The following NCAM1 variants were observed in gnomAD, a reference collection of about 807,000 sequenced individuals.
NCAM1 encodes the protein antigen recognized by monoclonal antibody 5.1H11.
NCAM1 carries 14 observed loss-of-function variants against 109.8 expected under a neutral mutation model. The ratio of observed to expected loss-of-function variants is 0.13; its 90% CI spans 0.08 to 0.20. The LOEUF (loss-of-function observed/expected upper bound fraction) is 0.20, where lower values mean the gene tolerates loss of function less well. Ranked by LOEUF, NCAM1 falls within the 10% of genes least tolerant of loss-of-function variation. The probability of loss-of-function intolerance (pLI) is 1.00; values close to 1 mark genes in which losing one functional copy is unlikely to be tolerated. For missense variants in NCAM1, 774 were observed against 1,109.9 expected (o/e 0.70, Z 4.30); for synonymous variants, 418 against 442.9 (o/e 0.94, Z 0.70).
At chr11:113,028,674 G>A (rs1234002142) in intron 1 of NCAM1, among the ~76,000 whole-genome samples, 1 of 152,162 alleles carries the variant, frequency 6.6e-6, no homozygotes, top group East Asian at 1.9e-4. Context: ...TAAGCATTCA[G>A]TATTGATACT....
In NCAM1 at chr11:113,204,404, C is replaced by T. The variant is rs1944171823; in HGVS notation, c.246C>T (p.Thr82=). The T allele has an allele frequency of 6.2e-7, 1 of 1,613,852 alleles. No individual in the cohort carries two copies. Among genetic ancestry groups the T allele is most frequent in the African/African-American group, 1.3e-5 (1 of 74,906 alleles). ...VWNDDSSSTL[T]IYNANIDDAG... is the part of the protein sequence containing the mutation. ...ATGATGATTCCTCCTCCACCCTCAC[C>T]ATCTATAACGCCAACATCGACGACG... Residue 82 remains threonine (T), a synonymous_variant, in exon 3 of 20, where the codon ACC becomes ACT. Coordinates refer to ENST00000316851, the MANE Select transcript of NCAM1 (RefSeq NM_181351.5).
intron 1 of NCAM1, among the ~76,000 whole-genome samples, chr11:113,159,830 A>G (rs1316460230): frequency 6.7e-6 from 1 of 148,430 alleles, no homozygotes. Context: ...AACATTAGGT[A>G]TATCTCCTAA....
At chr11:113,109,347 C>CAAAAAAAAAAAAA (rs369724829) in intron 1 of NCAM1, among the ~76,000 whole-genome samples, 1 of 89,228 alleles carries the variant, frequency 1.1e-5, no homozygotes. Context: ...GACTCTGTCT[C>CAAAAAAAAAAAAA]AAAAAAAAGA....
At position 113,101,607 on chromosome 11, in the gene NCAM1, A is replaced by T. The variant is rs1402906287; in HGVS notation, c.53-100772A>T. Among the ~76,000 whole-genome samples, 4 of 152,166 alleles carry T rather than the reference A, an allele frequency of 2.6e-5. No individual in the cohort carries two copies. The South Asian group carries it at 6.2e-4, about 24-fold the overall frequency. On this transcript the variant is annotated intron_variant, in intron 1 of 19. Transcript: ENST00000316851. ...TGACTGGATTTATGCTCATTGAATG[A>T]ACCATTTATTTTCTACTATCTCTTT...
rs1379545683 is a variant in NCAM1 at position 113,199,554 on chromosome 11, G to T, written c.53-2825G>T. ...ACTAGCTTTTCCATCTGTGCAAAAG[G>T]CCAGGCGTCTAAATGGATAACTCTT... On this transcript the variant is annotated intron_variant, in intron 1 of 19. Transcript: ENST00000316851. Among the ~76,000 whole-genome samples, 3 of 150,944 alleles carry T rather than the reference G, an allele frequency of 2.0e-5. No individual in the cohort carries two copies. In the East Asian group the frequency reaches 5.9e-4, roughly 30 times the overall value.
chr11:113,224,761 C>T (rs1166088607), intron 9 of NCAM1, among the ~76,000 whole-genome samples: 2 of 152,234 alleles, frequency 1.3e-5, no homozygotes, highest in Non-Finnish European at 2.9e-5. Context: ...CAGACAGCAG[C>T]ATTTGCTGTT....
At chr11:113,207,093 G>A (rs1276677660) in intron 5 of NCAM1, among the ~76,000 whole-genome samples, 168 bp from the exon 6 acceptor site, 2 of 152,232 alleles carry the variant, frequency 1.3e-5, no homozygotes, top group African/African-American at 4.8e-5. Context: ...GTTTGCAGAA[G>A]TTATTTAGTA....
intron 1 of NCAM1, among the ~76,000 whole-genome samples, chr11:113,165,151 T>C (rs576786094): frequency 5.9e-5 from 9 of 152,348 alleles, no homozygotes; most frequent in Non-Finnish European, 1.2e-4. Context: ...AAAAGGTGGC[T>C]GTGAAGTAGC....
chr11:113,229,243 AT>A (rs1162100387), intron 9 of NCAM1, among the ~76,000 whole-genome samples: 1 of 140,536 alleles, frequency 7.1e-6, no homozygotes, highest in Non-Finnish European at 1.6e-5. Context: ...ACAAGAAAAA[AT>A]CAAACAACCC....
At chr11:113,223,113 C>T (rs1443099843) in intron 9 of NCAM1, among the ~76,000 whole-genome samples, 1 of 152,114 alleles carries the variant, frequency 6.6e-6, no homozygotes, top group Non-Finnish European at 1.5e-5. Flanking sequence ...GTTTTCTTGC[C>T]ATCAATATCT....
At position 113,275,469 on chromosome 11, in the gene NCAM1, C is replaced by G. The variant is rs1373789018; in HGVS notation, c.*82C>G. 2.0e-6 allele frequency: 3 copies of G among 1,478,152 alleles called. No individual in the cohort carries two copies. The highest frequency in any genetic ancestry group is 2.8e-6 in the Non-Finnish European group (3 of 1,085,266). 91.6% of individuals were successfully genotyped at this position (1,478,152 alleles called of 1,614,324 possible). ...GAGCATTTCCAACACCACAGACACACACACGCACGCACACACACAAACACA... is the reference window on the plus strand; with the variant it reads ...GAGCATTTCCAACACCACAGACACAGACACGCACGCACACACACAAACACA... On this transcript the variant is annotated 3_prime_UTR_variant, in exon 20 of 20. Coordinates refer to ENST00000316851, the MANE Select transcript of NCAM1 (RefSeq NM_181351.5).
intron 1 of NCAM1, among the ~76,000 whole-genome samples, chr11:112,984,742 T>C (rs1555069297): frequency 6.6e-6 from 1 of 151,840 alleles, no homozygotes; most frequent in Non-Finnish European, 1.5e-5. Context: ...TTTAAATTGG[T>C]TTATTCATTT....
chr11:113,125,574 C>T (rs1941141009), intron 1 of NCAM1, among the ~76,000 whole-genome samples: 1 of 152,130 alleles, frequency 6.6e-6, no homozygotes. Context: ...CAAAATTGTT[C>T]AGCAGCAGTG....
intron 1 of NCAM1, among the ~76,000 whole-genome samples, chr11:113,117,443 C>T (rs1940759493): frequency 6.6e-6 from 1 of 152,086 alleles, no homozygotes; most frequent in Admixed American, 6.5e-5. Flanking sequence ...TCTTCAAACT[C>T]CTACCTTCCC....
At chr11:113,085,874 A>AT (rs1939058880) in intron 1 of NCAM1, among the ~76,000 whole-genome samples, 1 of 152,216 alleles carries the variant, frequency 6.6e-6, no homozygotes, top group Non-Finnish European at 1.5e-5. Context: ...CAGTTCATAT[A>AT]TATTCTATAA....
In NCAM1 at chr11:113,075,415, G is replaced by A. The variant is rs527887740; in HGVS notation, c.52+113751G>A. 6.3e-4 allele frequency among the ~76,000 whole-genome samples: 96 copies of A among 152,220 alleles called. 1 individual carries two copies. The highest frequency in any genetic ancestry group is 2.2e-3 in the African/African-American group (90 of 41,546). On this transcript the variant is annotated intron_variant, in intron 1 of 19. Transcript: ENST00000316851. ...TCCCACACATTTTAGAGGGGATAAC[G>A]TTTAGCATAAGGAAAGCTGCATATG...
At chr11:113,136,877 T>A (rs1941620470) in intron 1 of NCAM1, among the ~76,000 whole-genome samples, 1 of 150,816 alleles carries the variant, frequency 6.6e-6, no homozygotes, top group Non-Finnish European at 1.5e-5. Context: ...CTGAATGGAG[T>A]GGAATGGCGC....
intron 9 of NCAM1, among the ~76,000 whole-genome samples, chr11:113,226,956 T>C (rs1944870543): frequency 6.6e-6 from 1 of 152,172 alleles, no homozygotes; most frequent in Non-Finnish European, 1.5e-5. Context: ...TTTATAGCAC[T>C]AAATGCCCAC....
At chr11:113,255,286 C>G (rs11606942) in intron 15 of NCAM1, among the ~76,000 whole-genome samples, 11,924 of 152,140 alleles carry the variant, frequency 0.078, 517 homozygotes, top group African/African-American at 0.1. Context: ...TTTATTTAAT[C>G]ACAACCGGAA....
Sources: allele counts gnomAD v4.1 joint callset (sites outside exome capture counted in the v4.1 genomes callset), GRCh38; gene constraint gnomAD v4.1.1; transcripts MANE v1.5; gene names NCBI Gene and HGNC (gene_info 2026-07-23, HGNC 2026-07-21).